Variants in MCCC1 observed in about 807,000 individuals in gnomAD.
MCCC1 encodes the protein methylcrotonyl-CoA carboxylase subunit 1.
A neutral mutation model predicts 83.8 loss-of-function variants in MCCC1; 64 were observed. The ratio of observed to expected loss-of-function variants is 0.76; its 90% CI spans 0.62 to 0.94. The LOEUF (loss-of-function observed/expected upper bound fraction) is 0.94. MCCC1 is among the 40% of genes least tolerant of loss of function. The pLI, the probability that MCCC1 is intolerant of heterozygous loss-of-function variation, is 0.00. For missense variants in MCCC1, 807 were observed against 904.7 expected (o/e 0.89, Z 1.39); for synonymous variants, 322 against 315.4 (o/e 1.02, Z -0.22).
At chr3:183,086,904 G>T in intron 3 of MCCC1, 116 bp from the exon 4 acceptor site, 1 of 897,310 alleles carries the variant, frequency 1.1e-6, no homozygotes, top group South Asian at 1.4e-5. Context: ...ACTCCCTCAA[G>T]AACAGTGCAA....
At chr3:183,055,017 A>C (rs978498729) in intron 8 of MCCC1, among the ~76,000 whole-genome samples, 9 of 152,296 alleles carry the variant, frequency 5.9e-5, no homozygotes, top group African/African-American at 1.9e-4. Context: ...CAATTACAAA[A>C]TCAACTAAGG....
intron 4 of MCCC1, among the ~76,000 whole-genome samples, chr3:183,086,024 G>T (rs1717869153): frequency 6.6e-6 from 1 of 152,104 alleles, no homozygotes; most frequent in Non-Finnish European, 1.5e-5. Context: ...CCAAAGGGTG[G>T]TTTTCAATTT....
In MCCC1 at chr3:183,022,482, C is replaced by G; in HGVS notation, c.1804G>C (p.Val602Leu). The G allele has an allele frequency of 6.2e-7, 1 of 1,614,030 alleles. No homozygotes were observed. The highest frequency in any genetic ancestry group is 8.5e-7 in the Non-Finnish European group (1 of 1,179,936). ...EGDCTYLKCS[V>L]NGVASKAKLI... ...TTCGCTTTACTAGCAACTCCATTAA[C>G]AGAACATTTCAGGTAAGTGCAGTCT... Residue 602 changes from valine to leucine, a missense_variant, in exon 16 of 19, where the codon GTT (valine) becomes CTT (leucine). Transcript: ENST00000265594.
At chr3:183,052,319 G>A (rs536001162) in intron 8 of MCCC1, 79 bp from the exon 9 acceptor site, 4 of 1,241,406 alleles carry the variant, frequency 3.2e-6, no homozygotes, top group Admixed American at 1.8e-5. Context: ...ATTCAGTCAG[G>A]TGCCACATAA....
chr3:183,020,434 C>G (rs868784804), intron 16 of MCCC1, among the ~76,000 whole-genome samples, 197 bp from the exon 17 acceptor site: 6 of 151,664 alleles, frequency 4.0e-5, no homozygotes, highest in Admixed American at 1.3e-4. Context: ...GAGTTCAAGA[C>G]CAGCCTGGGC....
intron 9 of MCCC1, among the ~76,000 whole-genome samples, chr3:183,050,495 G>A (rs948968228): frequency 6.6e-6 from 1 of 152,106 alleles, no homozygotes; most frequent in Non-Finnish European, 1.5e-5. Flanking sequence ...CTGAGGTCAA[G>A]AGTTTGAGAT....
At chr3:183,046,896 T>C (rs1244308947) in intron 9 of MCCC1, among the ~76,000 whole-genome samples, 4 of 152,238 alleles carry the variant, frequency 2.6e-5, no homozygotes, top group East Asian at 3.9e-4. Context: ...AGAGATGCCA[T>C]GAGGAGAAGC....
rs377067123 is a variant in MCCC1 at position 183,024,025 on chromosome 3, C to T, written c.1732-1471G>A. ...CAGCACTTTGGGAGGCCAAGGTGGG[C>T]GGATCACCTGGGGTCGGGAGTTCGA... On this transcript the variant is annotated intron_variant, in intron 15 of 18. Coordinates refer to ENST00000265594, the MANE Select transcript of MCCC1 (RefSeq NM_020166.5). Among the ~76,000 whole-genome samples the T allele has an allele frequency of 3.9e-5, 6 of 152,214 alleles. No individual in the cohort carries two copies. The East Asian group carries it at 5.8e-4, about 15-fold the overall frequency.
intron 4 of MCCC1, among the ~76,000 whole-genome samples, chr3:183,078,873 G>C (rs943796305): frequency 6.6e-6 from 1 of 152,206 alleles, no homozygotes; most frequent in Non-Finnish European, 1.5e-5. Context: ...AATCATGGCG[G>C]AAGGCAGGGA....
intron 14 of MCCC1, among the ~76,000 whole-genome samples, chr3:183,029,764 A>T (rs1056565): frequency 6.6e-6 from 1 of 152,032 alleles, no homozygotes; most frequent in African/African-American, 2.4e-5. Context: ...ATTCTTCCCT[A>T]TCCTATGCAT....
intron 4 of MCCC1, among the ~76,000 whole-genome samples, chr3:183,085,010 G>C (rs1254932651): frequency 6.6e-6 from 1 of 152,126 alleles, no homozygotes; most frequent in Non-Finnish European, 1.5e-5. Flanking sequence ...AAGCACAAAG[G>C]AATTATGGAG....
chr3:183,025,115 G>C (rs1712479663), intron 15 of MCCC1, among the ~76,000 whole-genome samples: 1 of 152,208 alleles, frequency 6.6e-6, no homozygotes, highest in South Asian at 2.1e-4. Context: ...TAGAGACAGA[G>C]AGTAGAATCG....
At chr3:183,058,432 A>G (rs1304008738) in intron 7 of MCCC1, among the ~76,000 whole-genome samples, 1 of 152,168 alleles carries the variant, frequency 6.6e-6, no homozygotes, top group African/African-American at 2.4e-5. Flanking sequence ...CCTGGGCAAC[A>G]TAGTGAGACT....
At chr3:183,111,164 G>A (rs1375394653) in intron 1 of MCCC1, among the ~76,000 whole-genome samples, 1 of 152,184 alleles carries the variant, frequency 6.6e-6, no homozygotes, top group African/African-American at 2.4e-5. Flanking sequence ...AGGATACACA[G>A]CATGGTAAGT....
At chr3:183,016,628 T>C (rs1433841429) in intron 18 of MCCC1, among the ~76,000 whole-genome samples, 1 of 152,228 alleles carries the variant, frequency 6.6e-6, no homozygotes, top group Non-Finnish European at 1.5e-5. Flanking sequence ...ACTGTACACA[T>C]GCTCCTTGAC....
chr3:183,072,912 A>T (rs1304066076), intron 4 of MCCC1, among the ~76,000 whole-genome samples: 1 of 152,202 alleles, frequency 6.6e-6, no homozygotes, highest in Non-Finnish European at 1.5e-5. Context: ...TCTCTAGCCA[A>T]AGTACCTCAT....
chr3:183,101,890 C>T (rs923581317), upstream of MCCC1, among the ~76,000 whole-genome samples: 1 of 152,002 alleles, frequency 6.6e-6, no homozygotes, highest in Non-Finnish European at 1.5e-5. Context: ...GGACACGCTG[C>T]CTTAAGAGCT....
chr3:183,022,665 T>A, intron 15 of MCCC1, 111 bp from the exon 16 acceptor site: 1 of 930,582 alleles, frequency 1.1e-6, no homozygotes, highest in Non-Finnish European at 1.6e-6. Context: ...AAATGTGTCT[T>A]AAACATATAT....
chr3:183,069,574 C>T (rs1453988509), intron 7 of MCCC1, among the ~76,000 whole-genome samples: 1 of 151,964 alleles, frequency 6.6e-6, no homozygotes, highest in Non-Finnish European at 1.5e-5. Context: ...ATTTGGGGGT[C>T]TTCTCTAAGG....
Sources: allele counts gnomAD v4.1 joint callset (sites outside exome capture counted in the v4.1 genomes callset), GRCh38; gene constraint gnomAD v4.1.1; transcripts MANE v1.5; gene names NCBI Gene and HGNC (gene_info 2026-07-23, HGNC 2026-07-21).